Variants in GDAP2 observed in about 807,000 individuals in gnomAD.
GDAP2 encodes the protein ganglioside-induced differentiation-associated protein 2.
In GDAP2, 51 loss-of-function variants were observed where a neutral mutation model predicts 67.0. That is an observed-to-expected ratio of 0.76 (90% confidence interval 0.61 to 0.96). The LOEUF is 0.96. Among genes scored for constraint, GDAP2 ranks in the 40% least tolerant of loss-of-function variants. The pLI, the probability that GDAP2 is intolerant of heterozygous loss-of-function variation, is 0.00. For synonymous variants in GDAP2, 203 were observed against 207.3 expected (o/e 0.98, Z 0.18); for missense variants, 547 against 588.3 (o/e 0.93, Z 0.73).
chr1:117,882,011 A>C, intron 11 of GDAP2, 134 bp from the exon 12 acceptor site: 1 of 581,354 alleles, frequency 1.7e-6, no homozygotes, highest in Non-Finnish European at 3.1e-6. Context: ...TATAATTTAC[A>C]GATTGAATTT....
At chr1:117,908,952 A>G (rs1017351620) in intron 5 of GDAP2, among the ~76,000 whole-genome samples, 1 of 152,248 alleles carries the variant, frequency 6.6e-6, no homozygotes, top group East Asian at 1.9e-4. Context: ...TTTGGAAGAT[A>G]AAATACAATA....
intron 13 of GDAP2, chr1:117,877,165 C>T (rs926441681): frequency 3.0e-6 from 1 of 328,698 alleles, no homozygotes; most frequent in Non-Finnish European, 4.4e-6. Flanking sequence ...ATACACTTTA[C>T]TCTGCACATA....
At chr1:117,883,449 GA>G (rs1010501349) in intron 11 of GDAP2, 38 bp downstream of exon 11, 2 of 1,482,760 alleles carry the variant, frequency 1.3e-6, no homozygotes, top group African/African-American at 2.8e-5. Context: ...AGAAAAGAAA[GA>G]AACTATTTCC....
At chr1:117,919,305 C>A (rs944739872) in intron 2 of GDAP2, among the ~76,000 whole-genome samples, 1 of 149,382 alleles carries the variant, frequency 6.7e-6, no homozygotes, top group Non-Finnish European at 1.5e-5. Flanking sequence ...ACCTGGGAGG[C>A]GGAGCTTGCA....
chr1:117,906,367 T>G (rs1649659504), intron 6 of GDAP2, 139 bp downstream of exon 6: 1 of 576,416 alleles, frequency 1.7e-6, no homozygotes, highest in Middle Eastern at 3.6e-4. Context: ...AATGAATGAT[T>G]GTAAGACCCA....
chr1:117,876,290 C>T (rs1648452056), intron 13 of GDAP2, among the ~76,000 whole-genome samples: 1 of 152,124 alleles, frequency 6.6e-6, no homozygotes, highest in Non-Finnish European at 1.5e-5. Context: ...TCTCTTGCTT[C>T]CCTTCCCACC....
At chr1:117,912,219 A>T (rs973320926) in intron 4 of GDAP2, 137 bp from the exon 5 acceptor site, 2 of 647,784 alleles carry the variant, frequency 3.1e-6, no homozygotes, top group African/African-American at 3.7e-5. Flanking sequence ...TAGCTAACCC[A>T]ACTGTACCAC....
At chr1:117,894,590 A>G (rs1649204689) in intron 8 of GDAP2, among the ~76,000 whole-genome samples, 1 of 152,204 alleles carries the variant, frequency 6.6e-6, no homozygotes, top group Non-Finnish European at 1.5e-5. Context: ...ACAAAATGGA[A>G]GAACACATAA....
chr1:117,904,186 G>A (rs575269418), intron 6 of GDAP2, among the ~76,000 whole-genome samples: 1 of 151,860 alleles, frequency 6.6e-6, no homozygotes, highest in South Asian at 2.1e-4. Flanking sequence ...ATGGGGTTTC[G>A]CCATGTTGGC....
intron 1 of GDAP2, among the ~76,000 whole-genome samples, chr1:117,928,593 C>G (rs751760792): frequency 6.6e-6 from 1 of 152,214 alleles, no homozygotes; most frequent in African/African-American, 2.4e-5. Context: ...CTACAGCTGT[C>G]CACAGTCTCA....
intron 5 of GDAP2, among the ~76,000 whole-genome samples, chr1:117,909,029 TGAA>T (rs1187374229): frequency 6.6e-6 from 1 of 152,050 alleles, no homozygotes; most frequent in Non-Finnish European, 1.5e-5. Context: ...GCAAAAGCAG[TGAA>T]GAAGACTAAT....
Position 117,878,161 on chromosome 1 carries a change from T to A in GDAP2, c.1303-9A>T. On this transcript the variant is annotated splice_polypyrimidine_tract_variant and intron_variant, in intron 12 of 13. Coordinates refer to ENST00000369443, the MANE Select transcript of GDAP2 (RefSeq NM_017686.4). ...AAAAACCATGTTGACACCTGATTAA[T>A]AGAAGAGAAAAAATAATTTAAGCTA... 6.8e-7 allele frequency: 1 copy of A among 1,460,860 alleles called. No homozygotes were observed. Among genetic ancestry groups the A allele is most frequent in the African/African-American group, 1.4e-5 (1 of 70,806 alleles). 90.5% of individuals were successfully genotyped at this position (1,460,860 alleles called of 1,614,324 possible). A position where few individuals can be genotyped will look rare whatever the true frequency, so the allele number is the denominator to read the frequency against.
At chr1:117,897,038 T>G in intron 7 of GDAP2, 49 bp from the exon 8 acceptor site, 1 of 1,331,662 alleles carries the variant, frequency 7.5e-7, no homozygotes, top group Non-Finnish European at 1.0e-6. Context: ...TAAAACTAGA[T>G]AGTAAACATT....
intron 6 of GDAP2, among the ~76,000 whole-genome samples, chr1:117,901,678 T>A (rs1649474113): frequency 6.6e-6 from 1 of 151,108 alleles, no homozygotes; most frequent in African/African-American, 2.5e-5. Flanking sequence ...AAATGTATGT[T>A]AATTATGTTT....
chr1:117,884,909 G>A (rs1648796309), intron 10 of GDAP2, among the ~76,000 whole-genome samples: 1 of 151,716 alleles, frequency 6.6e-6, no homozygotes, highest in Non-Finnish European at 1.5e-5. Context: ...CATGACCTTG[G>A]TTTGGGAGAT....
intron 3 of GDAP2, among the ~76,000 whole-genome samples, chr1:117,913,856 A>G (rs1024994854): frequency 2.6e-5 from 4 of 152,174 alleles, no homozygotes; most frequent in South Asian, 4.1e-4. Flanking sequence ...AGATAAGCTC[A>G]TGAGGGTAAA....
rs753965938 is a variant in GDAP2, at chr1:117,883,578, T to C, written c.1157A>G (p.Tyr386Cys). 3.1e-6 allele frequency: 5 copies of C among 1,600,934 alleles called. No homozygotes were observed. The highest frequency in any genetic ancestry group is 3.3e-5 in the Admixed American group (2 of 59,918). The part of the protein sequence containing the change: ...HVMDHIAVKE[Y>C]VLVYFHTLTS... ...CAGGGTGTGAAAATACACTAATACA[T>C]ACTCCTTCACAGCAATGTGATCCAT... Residue 386 changes from tyrosine (Y) to cysteine (C), a missense_variant, in exon 11 of 14, where the codon TAT (tyrosine) becomes TGT (cysteine). Tyr to Cys is a radical substitution (Grantham distance 194). Coordinates refer to ENST00000369443, the MANE Select transcript of GDAP2 (RefSeq NM_017686.4).
chr1:117,903,668 G>C (rs1030559377), intron 6 of GDAP2, among the ~76,000 whole-genome samples: 1 of 151,952 alleles, frequency 6.6e-6, no homozygotes, highest in Admixed American at 6.6e-5. Context: ...TGCTGGATTT[G>C]GTTTGATAAT....
At chr1:117,902,281 CTTAT>C (rs1160657218) in intron 6 of GDAP2, among the ~76,000 whole-genome samples, 2 of 152,046 alleles carry the variant, frequency 1.3e-5, no homozygotes, top group Non-Finnish European at 2.9e-5. Context: ...TTTTAGTTTG[CTTAT>C]TTGTCTTTTG....
Sources: gnomAD v4.1 joint callset for allele counts (sites outside exome capture counted in the v4.1 genomes callset) on GRCh38, gnomAD v4.1.1 for gene constraint, MANE v1.5 for transcripts, NCBI Gene and HGNC (gene_info 2026-07-23, HGNC 2026-07-21) for gene names.